Variants in CFAP210 observed in about 807,000 individuals in gnomAD.
The protein encoded by CFAP210 is cilia and flagella associated protein 210, also known as cilia- and flagella- associated protein 210.
chr2:169,653,001 A>G, the CFAP210 span, among the ~76,000 whole-genome samples: 2 of 26,384 alleles, frequency 7.6e-5, no homozygotes, highest in Non-Finnish European at 1.4e-4. Flanking sequence ...CTCCGTCTCA[A>G]AAAAAAAAAA....
chr2:169,667,697 C>A, the CFAP210 span, among the ~76,000 whole-genome samples: 1 of 151,928 alleles, frequency 6.6e-6, no homozygotes, highest in South Asian at 2.1e-4. Flanking sequence ...TTGACAATGA[C>A]CAGGTGCATT....
chr2:169,681,125 T>C, the CFAP210 span: 1 of 1,613,976 alleles, frequency 6.2e-7, no homozygotes, highest in East Asian at 2.2e-5. Flanking sequence ...AAGGCTATCT[T>C]GAATCCTTTT....
the CFAP210 span, among the ~76,000 whole-genome samples, chr2:169,673,426 C>A: frequency 5.9e-5 from 9 of 152,034 alleles, no homozygotes; most frequent in Non-Finnish European, 1.2e-4. Context: ...CTTGCACAAA[C>A]CTTTAGATCT....
the CFAP210 span, among the ~76,000 whole-genome samples, chr2:169,676,172 G>T: frequency 6.6e-6 from 1 of 151,856 alleles, no homozygotes; most frequent in Admixed American, 6.6e-5. Flanking sequence ...TATATGTCAA[G>T]TTCCTATATA....
chr2:169,677,109 C>G, the CFAP210 span, among the ~76,000 whole-genome samples: 1 of 152,134 alleles, frequency 6.6e-6, no homozygotes, highest in East Asian at 1.9e-4. Flanking sequence ...TATGCAGTTC[C>G]AGAGAGAGGA....
the CFAP210 span, among the ~76,000 whole-genome samples, chr2:169,680,479 T>C: frequency 1.6e-4 from 25 of 152,330 alleles, no homozygotes; most frequent in Non-Finnish European, 2.5e-4. Context: ...TTGTTTGTAA[T>C]AGCCAAAAAG....
the CFAP210 span, chr2:169,645,789 A>G: frequency 2.8e-5 from 31 of 1,096,454 alleles, no homozygotes; most frequent in Non-Finnish European, 3.8e-5. Flanking sequence ...TTTATATTTG[A>G]AGCTCATATA....
At chr2:169,671,378 C>CA in the CFAP210 span, among the ~76,000 whole-genome samples, 3 of 152,008 alleles carry the variant, frequency 2.0e-5, no homozygotes, top group Non-Finnish European at 4.4e-5. Context: ...ACTCATTTTA[C>CA]ATGCTTCCAC....
At chr2:169,688,194 A>G in the CFAP210 span, among the ~76,000 whole-genome samples, 18 of 152,216 alleles carry the variant, frequency 1.2e-4, no homozygotes, top group East Asian at 3.9e-4. Flanking sequence ...AAGGTCTCTG[A>G]CATGGCCTGG....
At chr2:169,688,259 A>C in the CFAP210 span, among the ~76,000 whole-genome samples, 1 of 152,344 alleles carries the variant, frequency 6.6e-6, no homozygotes, top group Non-Finnish European at 1.5e-5. Context: ...ATGCTTATGC[A>C]GATTTCTGCA....
At chr2:169,650,637 C>CAATGGGGCT in the CFAP210 span, 2 of 1,226,776 alleles carry the variant, frequency 1.6e-6, no homozygotes, top group Non-Finnish European at 2.1e-6. Context: ...CTAACAGGAG[C>CAATGGGGCT]CCCATTGCTC....
chr2:169,666,643 T>C, the CFAP210 span, among the ~76,000 whole-genome samples: 1 of 151,902 alleles, frequency 6.6e-6, no homozygotes, highest in Non-Finnish European at 1.5e-5. Context: ...TGTGGCAATT[T>C]ATTAAAATAA....
chr2:169,691,399 T>C, the CFAP210 span, among the ~76,000 whole-genome samples: 7 of 152,368 alleles, frequency 4.6e-5, no homozygotes, highest in African/African-American at 1.7e-4. Context: ...CAAAAGTTTG[T>C]ATCTAGTAAA....
chr2:169,688,550 C>T, the CFAP210 span, among the ~76,000 whole-genome samples: 1 of 152,174 alleles, frequency 6.6e-6, no homozygotes, highest in South Asian at 2.1e-4. Context: ...ATTTCTTCTG[C>T]GAGGTACCCT....
chr2:169,672,684 CCTT>C, the CFAP210 span, among the ~76,000 whole-genome samples: 1 of 152,148 alleles, frequency 6.6e-6, no homozygotes, highest in Non-Finnish European at 1.5e-5. Context: ...GAGTAGCCTA[CCTT>C]CTTCTACCTG....
At chr2:169,681,552 A>G in the CFAP210 span, among the ~76,000 whole-genome samples, 13 of 152,188 alleles carry the variant, frequency 8.5e-5, no homozygotes, top group Non-Finnish European at 1.6e-4. Context: ...GCTTGTTATA[A>G]AAGTATTTTT....
the CFAP210 span, among the ~76,000 whole-genome samples, chr2:169,691,208 A>AT: frequency 5.9e-5 from 9 of 151,962 alleles, no homozygotes; most frequent in Non-Finnish European, 1.2e-4. Flanking sequence ...CCTCTAGTTA[A>AT]TTTTTTAATT....
chr2:169,684,512 C>T, the CFAP210 span, among the ~76,000 whole-genome samples: 4 of 152,334 alleles, frequency 2.6e-5, no homozygotes, highest in Admixed American at 2.0e-4. Context: ...TCTGGCTCTA[C>T]GGATTTGCCC....
chr2:169,683,066 C>G, the CFAP210 span, among the ~76,000 whole-genome samples: 2 of 151,984 alleles, frequency 1.3e-5, no homozygotes, highest in Non-Finnish European at 2.9e-5. Context: ...GAAAGAAAAG[C>G]CTTTAGGACC....
Sources: gnomAD v4.1 joint callset for allele counts (sites outside exome capture counted in the v4.1 genomes callset) on GRCh38, gnomAD v4.1.1 for gene constraint, MANE v1.5 for transcripts, NCBI Gene and HGNC (gene_info 2026-07-23, HGNC 2026-07-21) for gene names.